Variants in SLC23A2 observed in about 807,000 individuals in gnomAD.
SLC23A2 encodes solute carrier family 23 member 2, also known as Na(+)/L-ascorbic acid transporter 2.
SLC23A2 carries 36 observed loss-of-function variants against 73.3 expected under a neutral mutation model. That is an observed-to-expected ratio of 0.49 (90% CI 0.38 to 0.65). SLC23A2 has a LOEUF of 0.65. Ranked by LOEUF, SLC23A2 falls within the 30% of genes least tolerant of loss-of-function variation. SLC23A2 has a pLI of 0.00. For missense variants in SLC23A2, 507 were observed against 841.6 expected, an observed-to-expected ratio of 0.60 and a Z score of 4.92; for synonymous variants, 343 against 327.3, an observed-to-expected ratio of 1.05 and a Z score of -0.52.
At position 4,894,093 on chromosome 20, in the gene SLC23A2, C is replaced by T. The variant is rs889313975; in HGVS notation, c.482+5462G>A. Among the ~76,000 whole-genome samples the T allele has an allele frequency of 3.9e-5, 6 of 152,132 alleles. No homozygotes were observed. The South Asian group carries it at 6.2e-4, about 16-fold the overall frequency. On this transcript the variant is annotated intron_variant, in intron 6 of 16. Coordinates refer to ENST00000338244, the MANE Select transcript of SLC23A2 (RefSeq NM_005116.6). ...ATTTTAAAGGCTTTGTACTAATTCC[C>T]GGAACAAGGGTTAGCTGGAATTGAC... is the stretch of plus-strand genomic sequence containing the variant.
intron 4 of SLC23A2, among the ~76,000 whole-genome samples, chr20:4,912,371 C>T (rs1052366272): frequency 6.6e-6 from 1 of 152,096 alleles, no homozygotes; most frequent in African/African-American, 2.4e-5. Flanking sequence ...GCTGATTTCC[C>T]TTATTCTCTT....
intron 3 of SLC23A2, among the ~76,000 whole-genome samples, chr20:4,927,256 G>A (rs1276462365): frequency 4.7e-4 from 72 of 152,208 alleles, no homozygotes; most frequent in Non-Finnish European, 1.5e-5. Flanking sequence ...TACAGATCCA[G>A]ACAAAAAGAT....
upstream of SLC23A2, among the ~76,000 whole-genome samples, chr20:5,006,201 G>A (rs976770541): frequency 6.6e-5 from 10 of 151,554 alleles, no homozygotes; most frequent in African/African-American, 1.7e-4. Context: ...GAGTTCAAGC[G>A]GTTCTCCTGC....
chr20:4,943,921 G>A (rs1225606147), intron 2 of SLC23A2, among the ~76,000 whole-genome samples: 2 of 152,126 alleles, frequency 1.3e-5, no homozygotes, highest in African/African-American at 2.4e-5. Flanking sequence ...AGCCAGACAC[G>A]AGACATGCAG....
chr20:4,891,244 C>T (rs143778596), intron 6 of SLC23A2, among the ~76,000 whole-genome samples: 5 of 152,112 alleles, frequency 3.3e-5, no homozygotes, highest in African/African-American at 1.2e-4. Context: ...AAGGACCTGA[C>T]AGTTGAAGAA....
At chr20:4,994,521 A>C (rs2087984483) in intron 1 of SLC23A2, among the ~76,000 whole-genome samples, 1 of 152,152 alleles carries the variant, frequency 6.6e-6, no homozygotes, top group Non-Finnish European at 1.5e-5. Context: ...GCGGCGGCTC[A>C]CACCTGTAAT....
intron 4 of SLC23A2, among the ~76,000 whole-genome samples, chr20:4,905,881 GA>G (rs11475731): frequency 0.34 from 51,649 of 152,156 alleles, 10,547 homozygotes; most frequent in East Asian, 0.53. Context: ...ACTCTACTGA[GA>G]AGAACAGATA....
At chr20:4,993,036 T>C (rs2087953237) in intron 1 of SLC23A2, among the ~76,000 whole-genome samples, 1 of 150,860 alleles carries the variant, frequency 6.6e-6, no homozygotes, top group African/African-American at 2.4e-5. Flanking sequence ...CCCAGCACTT[T>C]GGGAGGCCGA....
Position 4,886,012 on chromosome 20 carries a change from G to A in SLC23A2, c.483-103C>T. 8 of 672,746 alleles carry A rather than the reference G, an allele frequency of 1.2e-5. No homozygotes were observed. In the South Asian group the frequency reaches 1.3e-4, roughly 11 times the overall value. 41.7% of individuals were successfully genotyped at this position (672,746 alleles called of 1,614,324 possible). On this transcript the variant is annotated intron_variant, in intron 6 of 16. Coordinates refer to ENST00000338244, the MANE Select transcript of SLC23A2 (RefSeq NM_005116.6). ...TCTTTTCCATAGACATACAGCACAT[G>A]AGTAAATGCAGGCACACCTAGAAGA...
In SLC23A2 at chr20:4,998,965, C is replaced by T. The variant is rs186968593; in HGVS notation, c.-282+2441G>A. ...AAATACAGGCATGCGCCACCATGCC[C>T]GGCTAACTTTTGTATTTTTAGTAGA... On this transcript the variant is annotated intron_variant, in intron 1 of 16. Transcript: ENST00000338244. This position sits in a 1 kb window ranked among gnomAD's most constrained non-coding sequence, Gnocchi z 4.1. Among the ~76,000 whole-genome samples the T allele has an allele frequency of 1.8e-3, 277 of 152,214 alleles. No homozygotes were observed. Among genetic ancestry groups the T allele is most frequent in the Middle Eastern group, 3.4e-3 (1 of 294 alleles).
At chr20:4,869,486 CTA>C (rs753879791) in intron 12 of SLC23A2, 2,917 of 148,238 alleles carry the variant, frequency 0.02, 103 homozygotes, top group African/African-American at 0.068. Flanking sequence ...CTCTCTCTCT[CTA>C]TATATATATA....
chr20:4,966,118 T>TA (rs780849840), intron 2 of SLC23A2, among the ~76,000 whole-genome samples: 7 of 151,794 alleles, frequency 4.6e-5, no homozygotes, highest in Non-Finnish European at 8.8e-5. Context: ...GATTCTTGGG[T>TA]AAAAAAGAAA....
intron 2 of SLC23A2, among the ~76,000 whole-genome samples, chr20:4,970,470 A>G (rs2087543581): frequency 1.3e-5 from 2 of 152,126 alleles, no homozygotes. Flanking sequence ...TGGTGGCTGA[A>G]GCCTATAATC....
Position 4,862,961 on chromosome 20 carries a change from C to A in SLC23A2, c.1357-54G>T. On this transcript the variant is annotated intron_variant, in intron 13 of 16. Transcript: ENST00000338244. The surrounding 1 kb of genome is among the most constrained non-coding windows in gnomAD (Gnocchi z 5.1). ...AGGGACTCATCTCCATGCAAAATCA[C>A]CGTAAGTTACTAAAGAACACACAGC... 6.4e-7 allele frequency: 1 copy of A among 1,572,478 alleles called. No homozygotes were observed. Among genetic ancestry groups the A allele is most frequent in the Non-Finnish European group, 8.7e-7 (1 of 1,150,660 alleles).
Position 4,947,284 on chromosome 20 carries a change from A to G in SLC23A2, c.-154-14568T>C, listed in dbSNP as rs2087132782. Among the ~76,000 whole-genome samples, 2 of 152,178 alleles carry G rather than the reference A, an allele frequency of 1.3e-5. No homozygotes were observed. Among genetic ancestry groups the G allele is most frequent in the Non-Finnish European group, 2.9e-5 (2 of 68,038 alleles). On this transcript the variant is annotated intron_variant, in intron 2 of 16. Transcript: ENST00000338244. This position sits in a 1 kb window ranked among gnomAD's most constrained non-coding sequence, Gnocchi z 4.4. ...GGAAATCTTGTGGCTGGGACGTGAA[A>G]GGGGAAAGGGAGGGGCAGTATAGCA...
At chr20:4,982,766 G>C (rs72550899) in intron 1 of SLC23A2, among the ~76,000 whole-genome samples, 1,747 of 152,266 alleles carry the variant, frequency 0.011, 30 homozygotes, top group East Asian at 0.049. Flanking sequence ...CAACGTAATG[G>C]GGGGTAGAGT....
intron 3 of SLC23A2, among the ~76,000 whole-genome samples, chr20:4,916,301 G>A (rs528234227): frequency 3.0e-4 from 46 of 152,150 alleles, no homozygotes; most frequent in African/African-American, 1.1e-3. Flanking sequence ...CCTAAAACAC[G>A]GATCAGTTAC....
rs1204081040 is a variant in SLC23A2, at chr20:4,862,148, G to A, written c.1487-63C>T. 6.5e-7 allele frequency: 1 copy of A among 1,549,514 alleles called. No individual in the cohort carries two copies. Among genetic ancestry groups the A allele is most frequent in the Non-Finnish European group, 8.8e-7 (1 of 1,131,784 alleles). ...ACTACAGCGGGGACAGCTCAAGGCAGGTGAGGGCAGGCTCCCTGGCACCCC... is the reference window on the plus strand; with the variant it reads ...ACTACAGCGGGGACAGCTCAAGGCAAGTGAGGGCAGGCTCCCTGGCACCCC... On this transcript the variant is annotated intron_variant, in intron 14 of 16. Coordinates refer to ENST00000338244, the MANE Select transcript of SLC23A2 (RefSeq NM_005116.6). The surrounding 1 kb of genome is among the most constrained non-coding windows in gnomAD (Gnocchi z 5.1).
At position 4,899,616 on chromosome 20, in the gene SLC23A2, T is replaced by C; in HGVS notation, c.421A>G (p.Ile141Val). ...CCCACACAGAAGAAAATGGTCCCAA[T>C]GAGCTGGCTGGTGGCCCACTGGTCG... Reference protein sequence around the residue: ...GYDQWATSQLIGTIFFCVGIT... With the variant: ...GYDQWATSQLVGTIFFCVGIT... The change falls in exon 6 of 17, where the codon ATT (isoleucine) becomes GTT (valine). Residue 141 changes from isoleucine (I) to valine (V), a missense_variant. Coordinates refer to ENST00000338244, the MANE Select transcript of SLC23A2 (RefSeq NM_005116.6). The surrounding 1 kb of genome is among the most constrained non-coding windows in gnomAD (Gnocchi z 4.9). 6.2e-7 allele frequency: 1 copy of C among 1,612,890 alleles called. No homozygotes were observed. The highest frequency in any genetic ancestry group is 8.5e-7 in the Non-Finnish European group (1 of 1,178,950).
Sources: allele counts gnomAD v4.1 joint callset (sites outside exome capture counted in the v4.1 genomes callset), GRCh38; gene constraint gnomAD v4.1.1; non-coding constraint Gnocchi (gnomAD v3.1); transcripts MANE v1.5; gene names NCBI Gene and HGNC (gene_info 2026-07-23, HGNC 2026-07-21).